FAXC: variants seen among roughly 807,000 people sequenced by gnomAD.
FAXC encodes failed axon connections homolog, metaxin like GST domain containing.
In FAXC, 10 loss-of-function variants were observed where a neutral mutation model predicts 41.9. The ratio of observed to expected loss-of-function variants is 0.24; its 90% CI spans 0.15 to 0.41. FAXC has a LOEUF of 0.41. FAXC is among the 10% of genes least tolerant of loss of function. FAXC has a pLI of 1.00. For synonymous variants in FAXC, 183 were observed against 183.8 expected (o/e 1.00, Z 0.03); for missense variants, 399 against 510.9 (o/e 0.78, Z 2.11).
rs1770656839 is a variant in FAXC at position 99,277,138 on chromosome 6, T to G, written c.*4026A>C. ...TGAGGCTTTTTTAGGCAATGGCAAA[T>G]GGATCAACCTGGCTGCACTGGATGG... On this transcript the variant is annotated 3_prime_UTR_variant, in exon 6 of 6. Coordinates refer to ENST00000389677, the MANE Select transcript of FAXC (RefSeq NM_032511.4). The G allele has an allele frequency of 6.6e-6, 1 of 152,572 alleles. No homozygotes were observed. 9.5% of individuals were successfully genotyped at this position (152,572 alleles called of 1,614,324 possible).
intron 5 of FAXC, among the ~76,000 whole-genome samples, chr6:99,291,306 T>C (rs978368658): frequency 1.3e-5 from 2 of 152,192 alleles, no homozygotes; most frequent in African/African-American, 4.8e-5. Flanking sequence ...TAGCTGGATA[T>C]ACCAGAAAGT....
chr6:99,320,163 G>A (rs1049978672), intron 4 of FAXC, among the ~76,000 whole-genome samples: 11 of 152,036 alleles, frequency 7.2e-5, no homozygotes, highest in South Asian at 2.1e-4. Flanking sequence ...CCCTTCCATC[G>A]GGTTCAGGAA....
At chr6:99,340,823 C>T (rs1773402018) in intron 2 of FAXC, among the ~76,000 whole-genome samples, 1 of 151,814 alleles carries the variant, frequency 6.6e-6, no homozygotes, top group Non-Finnish European at 1.5e-5. Flanking sequence ...TACACACCAC[C>T]ACACCTGGCT....
intron 4 of FAXC, among the ~76,000 whole-genome samples, chr6:99,309,382 T>G (rs1772069298): frequency 6.6e-6 from 1 of 152,216 alleles, no homozygotes; most frequent in African/African-American, 2.4e-5. Context: ...TTTGTATCGC[T>G]AAGTAAGCCA....
In FAXC at chr6:99,279,710, T is replaced by C. The variant is rs776276234; in HGVS notation, c.*1454A>G. On this transcript the variant is annotated 3_prime_UTR_variant, in exon 6 of 6. Coordinates refer to ENST00000389677, the MANE Select transcript of FAXC (RefSeq NM_032511.4). ...ACAACAACAACTTCATCTTTAGAAA[T>C]AGGGTGCCTTCACAAATATGGGTAA... The C allele has an allele frequency of 1.3e-5, 2 of 152,158 alleles. No individual in the cohort carries two copies. The highest frequency in any genetic ancestry group is 2.9e-5 in the Non-Finnish European group (2 of 68,034). The allele number at this position is 152,158 out of a possible 1,614,324, so 9.4% of individuals were successfully genotyped here.
At chr6:99,285,214 T>TTC (rs1400206529) in intron 5 of FAXC, among the ~76,000 whole-genome samples, 1 of 152,084 alleles carries the variant, frequency 6.6e-6, no homozygotes, top group Non-Finnish European at 1.5e-5. Context: ...TATTCAACTA[T>TTC]AATAAAAGCA....
At chr6:99,308,375 T>C (rs189605643) in intron 4 of FAXC, among the ~76,000 whole-genome samples, 77 of 152,324 alleles carry the variant, frequency 5.1e-4, no homozygotes, top group African/African-American at 1.8e-3. Flanking sequence ...AGTGGTAAAC[T>C]ATTTTTGAGT....
At chr6:99,294,550 A>G (rs1471574085) in intron 4 of FAXC, among the ~76,000 whole-genome samples, 1 of 152,232 alleles carries the variant, frequency 6.6e-6, no homozygotes, top group Non-Finnish European at 1.5e-5. Flanking sequence ...TCACAGCCTC[A>G]GAGAGAAGAA....
At chr6:99,330,715 G>C (rs1350169480) in intron 3 of FAXC, among the ~76,000 whole-genome samples, 1 of 152,208 alleles carries the variant, frequency 6.6e-6, no homozygotes, top group Non-Finnish European at 1.5e-5. Flanking sequence ...TTCTGGCTAT[G>C]TGAGTATAGA....
In FAXC at chr6:99,276,024, T is replaced by C. The variant is rs1401244034; in HGVS notation, c.*5140A>G. On this transcript the variant is annotated 3_prime_UTR_variant, in exon 6 of 6. Coordinates refer to ENST00000389677, the MANE Select transcript of FAXC (RefSeq NM_032511.4). ...GGTTCCCAGAGCCCAGCATTTAGCC[T>C]GGGAAGTATTCGTCATTGAGTGTAC... 1 of 152,126 alleles carries C rather than the reference T, an allele frequency of 6.6e-6. No individual in the cohort carries two copies. The highest frequency in any genetic ancestry group is 2.4e-5 in the African/African-American group (1 of 41,436). 9.4% of individuals were successfully genotyped at this position (152,126 alleles called of 1,614,324 possible).
At chr6:99,300,526 T>C (rs1321845742) in intron 4 of FAXC, among the ~76,000 whole-genome samples, 4 of 152,206 alleles carry the variant, frequency 2.6e-5, no homozygotes, top group African/African-American at 9.7e-5. Flanking sequence ...TCTCCCTTCT[T>C]GAAGCTGCTA....
At chr6:99,335,625 T>G (rs1773189449) in intron 2 of FAXC, among the ~76,000 whole-genome samples, 2 of 152,168 alleles carry the variant, frequency 1.3e-5, no homozygotes, top group Non-Finnish European at 2.9e-5. Flanking sequence ...ACAACCCAAA[T>G]GCGTAAGGGA....
At chr6:99,299,444 A>C (rs1424411197) in intron 4 of FAXC, among the ~76,000 whole-genome samples, 4 of 152,342 alleles carry the variant, frequency 2.6e-5, no homozygotes, top group African/African-American at 9.6e-5. Context: ...TAAGACATAA[A>C]GTACAATTGT....
chr6:99,308,227 G>A (rs1457803003), intron 4 of FAXC, among the ~76,000 whole-genome samples: 1 of 152,222 alleles, frequency 6.6e-6, no homozygotes, highest in African/African-American at 2.4e-5. Flanking sequence ...AACCTGGGAG[G>A]CGGAGATTGC....
At chr6:99,293,102 C>T (rs930243972) in intron 4 of FAXC, among the ~76,000 whole-genome samples, 3 of 152,210 alleles carry the variant, frequency 2.0e-5, no homozygotes, top group South Asian at 2.1e-4. Context: ...CCACTGCGCC[C>T]GGCCCTAAGA....
chr6:99,336,241 A>AT (rs113973057), intron 2 of FAXC, among the ~76,000 whole-genome samples: 2 of 151,218 alleles, frequency 1.3e-5, no homozygotes, highest in Non-Finnish European at 1.5e-5. Context: ...AAAAATGTTG[A>AT]TTTTTTTTCT....
At chr6:99,320,847 C>T (rs931326354) in intron 4 of FAXC, among the ~76,000 whole-genome samples, 20 of 152,234 alleles carry the variant, frequency 1.3e-4, no homozygotes, top group Middle Eastern at 6.8e-3. Context: ...CCTCCCCAGT[C>T]CCCCCTGCTA....
At position 99,282,789 on chromosome 6, in the gene FAXC, G is replaced by A. The variant is rs185216187; in HGVS notation, c.941-1336C>T. ...TTGTGTAAACAATCCATGTTTTAGT[G>A]CAGAAAATTAGAAAAAACAGATAAG... On this transcript the variant is annotated intron_variant, in intron 5 of 5. Coordinates refer to ENST00000389677, the MANE Select transcript of FAXC (RefSeq NM_032511.4). 5.9e-5 allele frequency among the ~76,000 whole-genome samples: 9 copies of A among 152,244 alleles called. No homozygotes were observed. In the East Asian group the frequency reaches 1.2e-3, roughly 20 times the overall value.
intron 5 of FAXC, among the ~76,000 whole-genome samples, chr6:99,286,409 G>A (rs1488300411): frequency 6.6e-6 from 1 of 152,178 alleles, no homozygotes; most frequent in Non-Finnish European, 1.5e-5. Flanking sequence ...ATGGAGAATA[G>A]TAAGAGTGCA....
Sources: gnomAD v4.1 joint callset for allele counts (sites outside exome capture counted in the v4.1 genomes callset) on GRCh38, gnomAD v4.1.1 for gene constraint, MANE v1.5 for transcripts, NCBI Gene and HGNC (gene_info 2026-07-23, HGNC 2026-07-21) for gene names.